EXD3: variants seen among roughly 807,000 people sequenced by gnomAD.
EXD3 encodes the protein exonuclease mut-7 homolog.
A neutral mutation model predicts 98.0 loss-of-function variants in EXD3; 92 were observed. The observed-to-expected ratio is 0.94, with a 90% CI of 0.79 to 1.12. The LOEUF (loss-of-function observed/expected upper bound fraction) is 1.12. EXD3 is among the 50% of genes most tolerant of loss of function. EXD3 has a pLI of 0.00. For missense variants in EXD3, 1,222 were observed against 1,191.6 expected (o/e 1.03, Z -0.38); for synonymous variants, 569 against 526.0 (o/e 1.08, Z -1.12).
In EXD3 at chr9:137,414,471, T is replaced by A. The variant is rs61020405; in HGVS notation, c.-48+8643A>T. 1.1e-4 allele frequency among the ~76,000 whole-genome samples: 17 copies of A among 152,132 alleles called. No individual in the cohort carries two copies. In the East Asian group the frequency reaches 2.1e-3, roughly 19 times the overall value. On this transcript the variant is annotated intron_variant, in intron 1 of 21. Transcript: ENST00000340951. ...TTTTCACTGATCTGGGGACACACATTCCTAGGACTGGAGCTGCTGAGTCTC... is the reference window on the plus strand; with the variant it reads ...TTTTCACTGATCTGGGGACACACATACCTAGGACTGGAGCTGCTGAGTCTC...
chr9:137,351,311 C>T lies in EXD3; in HGVS notation c.1384+7G>A. On this transcript the variant is annotated splice_region_variant and intron_variant, in intron 13 of 21. Transcript: ENST00000340951. ...GACTGGGCAGGGGGCCCCAGGGCTT[C>T]ACTCACCCAGCTTGGTGATAGAGGG... The T allele has an allele frequency of 3.1e-6, 5 of 1,609,878 alleles. No individual in the cohort carries two copies. Among genetic ancestry groups the T allele is most frequent in the Non-Finnish European group, 4.2e-6 (5 of 1,178,802 alleles).
intron 3 of EXD3, among the ~76,000 whole-genome samples, chr9:137,379,158 T>C (rs56129564): frequency 1.8e-4 from 4 of 21,908 alleles, no homozygotes; most frequent in African/African-American, 2.8e-4. Context: ...TGGGTGACGG[T>C]GACCGTTGCC....
chr9:137,392,741 CA>C (rs1185039609), intron 2 of EXD3: 1 of 343,936 alleles, frequency 2.9e-6, no homozygotes, highest in African/African-American at 2.5e-5. Flanking sequence ...CAGGCTGTTC[CA>C]GGGGGCACCG....
chr9:137,422,810 T>C (rs1189074626), intron 1 of EXD3, among the ~76,000 whole-genome samples: 2 of 152,042 alleles, frequency 1.3e-5, no homozygotes, highest in African/African-American at 4.8e-5. Context: ...GGTCCTGTGA[T>C]GTCCGTGCTC....
At chr9:137,368,978 G>C in intron 5 of EXD3, among the ~76,000 whole-genome samples, 1 of 146,722 alleles carries the variant, frequency 6.8e-6, no homozygotes, top group African/African-American at 2.5e-5. Context: ...CGGGGGACGG[G>C]GTGCAGTGCC....
chr9:137,422,460 C>T (rs1394526421), intron 1 of EXD3, among the ~76,000 whole-genome samples: 1 of 152,122 alleles, frequency 6.6e-6, no homozygotes, highest in African/African-American at 2.4e-5. Flanking sequence ...GAACCAATGC[C>T]ATTTCTACAA....
chr9:137,348,380 A>G, intron 16 of EXD3, 142 bp from the exon 17 acceptor site: 2 of 1,015,728 alleles, frequency 2.0e-6, no homozygotes, highest in Non-Finnish European at 2.8e-6. Context: ...GCTGTGCATA[A>G]AACAGCAGAA....
intron 1 of EXD3, among the ~76,000 whole-genome samples, chr9:137,404,916 C>T (rs187203842): frequency 3.4e-4 from 52 of 152,180 alleles, no homozygotes; most frequent in African/African-American, 1.2e-3. Context: ...CCTGTCTCCT[C>T]CTTGCTCCCA....
At chr9:137,394,907 C>T (rs1165745705) in intron 2 of EXD3, among the ~76,000 whole-genome samples, 1 of 152,146 alleles carries the variant, frequency 6.6e-6, no homozygotes, top group African/African-American at 2.4e-5. Context: ...CCTGAGCCCC[C>T]AGTGGCGGCG....
At chr9:137,383,248 T>C in intron 3 of EXD3, 65 bp downstream of exon 3, 5 of 1,365,372 alleles carry the variant, frequency 3.7e-6, no homozygotes, top group Non-Finnish European at 5.1e-6. Context: ...GTTAGGCCAG[T>C]CTCTGCCCAA....
At chr9:137,331,857 A>C (rs902627546) in intron 17 of EXD3, among the ~76,000 whole-genome samples, 1 of 152,142 alleles carries the variant, frequency 6.6e-6, no homozygotes, top group Non-Finnish European at 1.5e-5. Flanking sequence ...TGGATGTTGC[A>C]GTGAGCCGAG....
intron 7 of EXD3, chr9:137,366,080 C>T: frequency 2.9e-6 from 2 of 686,672 alleles, no homozygotes; most frequent in Non-Finnish European, 5.3e-6. Context: ...CATACAGGCA[C>T]CATATGGGCT....
In EXD3 at chr9:137,356,655, C is replaced by G. The variant is rs571590288; in HGVS notation, c.657-287G>C. 7.2e-5 allele frequency among the ~76,000 whole-genome samples: 11 copies of G among 152,304 alleles called. No individual in the cohort carries two copies. The East Asian group carries it at 2.1e-3, about 29-fold the overall frequency. ...TTGACTTCTCCCCACGGAAGGTGGACTCCCGAAATAACAGTATTAGAGTTT... is the reference window on the plus strand; with the variant it reads ...TTGACTTCTCCCCACGGAAGGTGGAGTCCCGAAATAACAGTATTAGAGTTT... On this transcript the variant is annotated intron_variant, in intron 7 of 21. Coordinates refer to ENST00000340951, the MANE Select transcript of EXD3 (RefSeq NM_017820.5).
chr9:137,317,980 G>A (rs948337965), intron 19 of EXD3, among the ~76,000 whole-genome samples: 1 of 152,130 alleles, frequency 6.6e-6, no homozygotes, highest in Non-Finnish European at 1.5e-5. Flanking sequence ...CAGAGCCTGG[G>A]AGGGGTGGGG....
rs117242515 is a variant in EXD3, at chr9:137,411,847, C to T, written c.-48+11267G>A. On this transcript the variant is annotated intron_variant, in intron 1 of 21. Coordinates refer to ENST00000340951, the MANE Select transcript of EXD3 (RefSeq NM_017820.5). ...GAGTCACCCAAGACGGACTGGAAGC[C>T]GGGCCACCCTGCATTCTTGTCCGGG... is the stretch of plus-strand genomic sequence containing the variant. Among the ~76,000 whole-genome samples, 92 of 152,270 alleles carry T rather than the reference C, an allele frequency of 6.0e-4. 3 individuals are homozygous for T. The East Asian group carries it at 0.017, about 28-fold the overall frequency.
chr9:137,309,478 G>A (rs1190838591), intron 20 of EXD3, 129 bp downstream of exon 20: 10 of 739,484 alleles, frequency 1.4e-5, no homozygotes, highest in Admixed American at 2.7e-5. Context: ...TCCACCTGTC[G>A]TCACCTGGCT....
intron 17 of EXD3, among the ~76,000 whole-genome samples, chr9:137,340,988 G>T (rs974714298): frequency 1.3e-5 from 2 of 152,206 alleles, no homozygotes; most frequent in African/African-American, 4.8e-5. Context: ...GGGTGATAAC[G>T]TTAGAGGGAT....
At chr9:137,373,768 G>A (rs1022887285) in intron 3 of EXD3, among the ~76,000 whole-genome samples, 169 bp from the exon 4 acceptor site, 3 of 152,212 alleles carry the variant, frequency 2.0e-5, no homozygotes, top group Non-Finnish European at 2.9e-5. Flanking sequence ...GTTCTGGTCC[G>A]CTGCACCCCA....
intron 20 of EXD3, among the ~76,000 whole-genome samples, chr9:137,308,764 G>A (rs1299909946): frequency 6.6e-6 from 1 of 151,384 alleles, no homozygotes; most frequent in Non-Finnish European, 1.5e-5. Flanking sequence ...AGCCTCCCAA[G>A]TAGCTGGGAC....
Sources: allele counts gnomAD v4.1 joint callset (sites outside exome capture counted in the v4.1 genomes callset), GRCh38; gene constraint gnomAD v4.1.1; transcripts MANE v1.5; gene names NCBI Gene and HGNC (gene_info 2026-07-23, HGNC 2026-07-21).